The following PPP6R2 variants were observed in gnomAD, a reference collection of about 807,000 sequenced individuals.
PPP6R2 encodes protein phosphatase 6 regulatory subunit 2.
In PPP6R2, 62 loss-of-function variants were observed where a neutral mutation model predicts 100.2. That is an observed-to-expected ratio of 0.62 (90% CI 0.50 to 0.76). The LOEUF is 0.76. Among genes scored for constraint, PPP6R2 ranks in the 30% least tolerant of loss-of-function variants. PPP6R2 has a pLI of 0.00. For synonymous variants in PPP6R2, 525 were observed against 514.7 expected (o/e 1.02, Z -0.27); for missense variants, 1,142 against 1,276.3 (o/e 0.89, Z 1.60).
intron 2 of PPP6R2, among the ~76,000 whole-genome samples, chr22:50,374,106 A>G (rs1387624477): frequency 1.3e-5 from 2 of 151,706 alleles, no homozygotes; most frequent in African/African-American, 4.8e-5. Context: ...CTGGTCTTGA[A>G]CTCCTGGGCC....
At chr22:50,413,612 G>A (rs1411899560) in intron 4 of PPP6R2, among the ~76,000 whole-genome samples, 2 of 151,948 alleles carry the variant, frequency 1.3e-5, no homozygotes, top group African/African-American at 2.4e-5. Context: ...TTTGTCCTTC[G>A]TCTTTCTAGA....
At chr22:50,339,198 T>C (rs2042339740), upstream of PPP6R2, among the ~76,000 whole-genome samples, 1 of 140,896 alleles carries the variant, frequency 7.1e-6, no homozygotes, top group Non-Finnish European at 1.5e-5. Context: ...GTAGTGTGTG[T>C]TGTATGTGGT....
intron 2 of PPP6R2, chr22:50,393,550 G>A (rs943879949): frequency 2.0e-6 from 2 of 984,022 alleles, no homozygotes; most frequent in Non-Finnish European, 2.4e-6. Flanking sequence ...GTGTGGGGAA[G>A]GAGGGCAAAG....
intron 18 of PPP6R2, 119 bp from the exon 19 acceptor site, chr22:50,438,466 CCTGGAGCGTCTCGT>C: frequency 7.0e-7 from 1 of 1,423,222 alleles, no homozygotes; most frequent in Non-Finnish European, 9.6e-7. Flanking sequence ...AGAGCTGAGG[CCTGGAGCGTCTCGT>C]GCTCCTCTCT....
chr22:50,415,975 T>C (rs2060473195), intron 5 of PPP6R2, 117 bp from the exon 6 acceptor site: 1 of 895,262 alleles, frequency 1.1e-6, no homozygotes, highest in Admixed American at 1.9e-5. Context: ...CTGGGGTGTG[T>C]CAGGCAAAGA....
intron 2 of PPP6R2, among the ~76,000 whole-genome samples, chr22:50,391,280 A>C (rs1229634713): frequency 1.3e-5 from 2 of 151,500 alleles, no homozygotes; most frequent in African/African-American, 4.9e-5. Flanking sequence ...AAAAATACAA[A>C]AAATCAGCTG....
intron 4 of PPP6R2, among the ~76,000 whole-genome samples, chr22:50,408,293 C>G (rs1356173285): frequency 6.6e-6 from 1 of 152,154 alleles, no homozygotes; most frequent in African/African-American, 2.4e-5. Context: ...AACATTCAGT[C>G]AGGGCACAAA....
chr22:50,435,229 C>G (rs1170058296), intron 13 of PPP6R2, 148 bp downstream of exon 13: 2 of 591,354 alleles, frequency 3.4e-6, no homozygotes, highest in African/African-American at 1.9e-5. Flanking sequence ...TCTCACTTCA[C>G]ACATCACATC....
intron 13 of PPP6R2, among the ~76,000 whole-genome samples, chr22:50,435,467 A>G (rs1490617243): frequency 6.6e-6 from 1 of 152,164 alleles, no homozygotes; most frequent in Non-Finnish European, 1.5e-5. Flanking sequence ...GTGATTGGAG[A>G]GTCTCATTCT....
rs1371503339 is a variant in PPP6R2, at chr22:50,439,687, C to G, written c.2129-14C>G. 1 of 1,563,414 alleles carries G rather than the reference C, an allele frequency of 6.4e-7. No homozygotes were observed. The highest frequency in any genetic ancestry group is 8.7e-7 in the Non-Finnish European group (1 of 1,152,728). On this transcript the variant is annotated splice_polypyrimidine_tract_variant and intron_variant, in intron 19 of 23. Coordinates refer to ENST00000612753, the MANE Select transcript of PPP6R2 (RefSeq NM_001242898.2). Reference sequence around the variant, plus strand: ...GCCTGCCCACGCCTGACCACTGTGTCTCTCCCCCAGCAGGCGCCATGTGGA... The same window carrying G: ...GCCTGCCCACGCCTGACCACTGTGTGTCTCCCCCAGCAGGCGCCATGTGGA...
At chr22:50,420,675 C>T (rs913407880) in intron 8 of PPP6R2, among the ~76,000 whole-genome samples, 1 of 152,164 alleles carries the variant, frequency 6.6e-6, no homozygotes, top group Non-Finnish European at 1.5e-5. Flanking sequence ...GAAAGACAGC[C>T]GAGTGGAGTC....
intron 22 of PPP6R2, chr22:50,443,190 CAACCCCTAAAA>C (rs1205574299): frequency 6.6e-6 from 1 of 152,350 alleles, no homozygotes; most frequent in East Asian, 1.9e-4. Context: ...TTCTCCTAAA[CAACCCCTAAAA>C]AACTGCTCTG....
Position 50,396,333 on chromosome 22 carries a change from A to G in PPP6R2, c.227+2198A>G, listed in dbSNP as rs144782173. Among the ~76,000 whole-genome samples the G allele has an allele frequency of 8.3e-3, 1,265 of 152,062 alleles. 19 individuals carry two copies. The highest frequency in any genetic ancestry group is 0.029 in the African/African-American group (1,215 of 41,468). ...AACATGGTGAAACCCCGTCTCTACT[A>G]AAAATACAAAAATTTGCTGGGTGTG... On this transcript the variant is annotated intron_variant, in intron 3 of 23. Transcript: ENST00000612753.
intron 8 of PPP6R2, among the ~76,000 whole-genome samples, chr22:50,420,733 C>T (rs1399254420): frequency 6.6e-6 from 1 of 152,288 alleles, no homozygotes; most frequent in East Asian, 1.9e-4. Context: ...CCGCCAGGTG[C>T]CCAGGAGATC....
At position 50,393,967 on chromosome 22, in the gene PPP6R2, A is replaced by G. The variant is rs2056191976; in HGVS notation, c.59A>G (p.Glu20Gly). The part of the protein sequence containing the change: ...TSHVDKLLDK[E>G]HVTLQELMDE... ...CATGTTGACAAGCTGCTGGACAAGG[A>G]GCATGTGACGCTGCAGGAGTTAATG... Residue 20 changes from glutamate (E) to glycine (G), a missense_variant, in exon 3 of 24, where the codon GAG becomes GGG. Coordinates refer to ENST00000612753, the MANE Select transcript of PPP6R2 (RefSeq NM_001242898.2). The G allele has an allele frequency of 6.2e-7, 1 of 1,614,178 alleles. No homozygotes were observed. The highest frequency in any genetic ancestry group is 1.3e-5 in the African/African-American group (1 of 75,044).
At chr22:50,337,835 TG>T in the PPP6R2 span, among the ~76,000 whole-genome samples, 1 of 138,240 alleles carries the variant, frequency 7.2e-6, no homozygotes, top group African/African-American at 2.7e-5. Context: ...AGTGTGTGTG[TG>T]GGGTGTGTGT....
chr22:50,419,562 T>G (rs2061019893), intron 8 of PPP6R2, 100 bp downstream of exon 8: 1 of 821,168 alleles, frequency 1.2e-6, no homozygotes, highest in Non-Finnish European at 2.0e-6. Context: ...GTGGTTTTAA[T>G]TTTTGATTAT....
At chr22:50,338,916 GTGTGTGGTA>G (rs2042335626), upstream of PPP6R2, among the ~76,000 whole-genome samples, 1 of 101,874 alleles carries the variant, frequency 9.8e-6, no homozygotes, top group Non-Finnish European at 1.7e-5. Flanking sequence ...GTGTGGTAGT[GTGTGTGGTA>G]TGTGGTGTGT....
chr22:50,406,950 G>C, intron 4 of PPP6R2, 75 bp downstream of exon 4: 1 of 1,440,292 alleles, frequency 6.9e-7, no homozygotes, highest in Non-Finnish European at 9.7e-7. Context: ...TGTGAGCCTG[G>C]CGGTGCGACT....
Sources: gnomAD v4.1 joint callset for allele counts (sites outside exome capture counted in the v4.1 genomes callset) on GRCh38, gnomAD v4.1.1 for gene constraint, MANE v1.5 for transcripts, NCBI Gene and HGNC (gene_info 2026-07-23, HGNC 2026-07-21) for gene names.